Variants in BMPR2 observed in about 807,000 individuals in gnomAD.
BMPR2 encodes the protein bone morphogenetic protein receptor type 2.
Under a neutral mutation model 100.8 loss-of-function variants are expected in BMPR2, and 29 were observed. The ratio of observed to expected loss-of-function variants is 0.29; its 90% CI spans 0.21 to 0.39. The LOEUF is 0.39. Among genes scored for constraint, BMPR2 ranks in the 10% least tolerant of loss-of-function variants. The probability of loss-of-function intolerance (pLI) is 1.00; values close to 1 mark genes in which losing one functional copy is unlikely to be tolerated. For synonymous variants in BMPR2, 382 were observed against 442.3 expected (o/e 0.86, Z 1.71); for missense variants, 1,011 against 1,274.5 (o/e 0.79, Z 3.15).
rs1688766587 is a variant in BMPR2, at chr2:202,566,575, T to TA, written c.*6630dup. On this transcript the variant is annotated 3_prime_UTR_variant, in exon 13 of 13. Coordinates refer to ENST00000374580, the MANE Select transcript of BMPR2 (RefSeq NM_001204.7). ...TTTCTGTTCTTTGGTCAAATGACCA[T>TA]ACATGATATGGGACAAATTGTTTCA... The TA allele has an allele frequency of 6.6e-6, 1 of 152,356 alleles. No homozygotes were observed. Among genetic ancestry groups the TA allele is most frequent in the East Asian group, 1.9e-4 (1 of 5,192 alleles). 9.4% of individuals were successfully genotyped at this position (152,356 alleles called of 1,614,324 possible).
chr2:202,379,160 T>C (rs1690218603), intron 1 of BMPR2, among the ~76,000 whole-genome samples: 1 of 152,208 alleles, frequency 6.6e-6, no homozygotes, highest in African/African-American at 2.4e-5. Flanking sequence ...GATGACAAAA[T>C]TTGTGAAGCT....
intron 1 of BMPR2, among the ~76,000 whole-genome samples, chr2:202,418,226 T>G (rs1311261754): frequency 6.6e-6 from 1 of 152,208 alleles, no homozygotes; most frequent in Non-Finnish European, 1.5e-5. Context: ...ATCCAGGCCC[T>G]TCTACATGAG....
intron 7 of BMPR2, among the ~76,000 whole-genome samples, chr2:202,527,357 G>T (rs894328810): frequency 4.0e-5 from 6 of 151,732 alleles, no homozygotes; most frequent in African/African-American, 1.5e-4. Flanking sequence ...GCGTGGTGGC[G>T]TGCGCCTGTA....
chr2:202,527,029 A>C (rs1687927046), intron 7 of BMPR2, among the ~76,000 whole-genome samples: 1 of 151,980 alleles, frequency 6.6e-6, no homozygotes, highest in Non-Finnish European at 1.5e-5. Context: ...ATGCTGGGCT[A>C]ATTTTTTGTA....
intron 1 of BMPR2, among the ~76,000 whole-genome samples, chr2:202,432,227 T>C (rs1462595696): frequency 6.6e-6 from 1 of 150,834 alleles, no homozygotes; most frequent in Non-Finnish European, 1.5e-5. Context: ...CATTTTGTAA[T>C]TTGAAATGTT....
chr2:202,408,358 T>G (rs1460370159), intron 1 of BMPR2, among the ~76,000 whole-genome samples: 4 of 152,216 alleles, frequency 2.6e-5, no homozygotes, highest in Non-Finnish European at 5.9e-5. Context: ...CTTAGCTCTA[T>G]CAAATATCCA....
In BMPR2 at chr2:202,417,921, T is replaced by C. The variant is rs1026795310; in HGVS notation, c.76+40371T>C. Among the ~76,000 whole-genome samples the C allele has an allele frequency of 1.3e-5, 2 of 151,966 alleles. 1 individual carries two copies. The highest frequency in any genetic ancestry group is 4.8e-5 in the African/African-American group (2 of 41,372). ...TTTTAGTAGAGATAGGGTTTCACCG[T>C]GTTAGCCAGGGTGGTCTTGATCTCA... On this transcript the variant is annotated intron_variant, in intron 1 of 12. Transcript: ENST00000374580.
chr2:202,384,126 T>C (rs965317458), intron 1 of BMPR2, among the ~76,000 whole-genome samples: 13 of 152,142 alleles, frequency 8.5e-5, no homozygotes, highest in Non-Finnish European at 1.6e-4. Flanking sequence ...GAGCCAAGAT[T>C]GTGCCACTTT....
chr2:202,429,852 G>A (rs185354861), intron 1 of BMPR2, among the ~76,000 whole-genome samples: 22 of 152,232 alleles, frequency 1.4e-4, no homozygotes, highest in Admixed American at 4.6e-4. Flanking sequence ...ACTGTCATGA[G>A]AACAGCATGG....
intron 1 of BMPR2, among the ~76,000 whole-genome samples, chr2:202,402,919 C>G (rs968361155): frequency 2.0e-5 from 3 of 151,838 alleles, no homozygotes; most frequent in Non-Finnish European, 2.9e-5. Context: ...AATTCCGCCT[C>G]CCGGGTACAA....
intron 7 of BMPR2, among the ~76,000 whole-genome samples, chr2:202,527,104 T>G (rs1687928767): frequency 6.6e-6 from 1 of 151,944 alleles, no homozygotes; most frequent in African/African-American, 2.4e-5. Flanking sequence ...CCTCAGGTGA[T>G]CCACCTGCCT....
chr2:202,455,079 A>G (rs1692066336), intron 1 of BMPR2, among the ~76,000 whole-genome samples: 1 of 152,232 alleles, frequency 6.6e-6, no homozygotes, highest in African/African-American at 2.4e-5. Flanking sequence ...CAGAGGCTCC[A>G]TGTCCAAATA....
chr2:202,420,840 C>T (rs746327768), intron 1 of BMPR2, among the ~76,000 whole-genome samples: 2 of 151,826 alleles, frequency 1.3e-5, no homozygotes, highest in Non-Finnish European at 2.9e-5. Flanking sequence ...AGCCACCACG[C>T]CCAGCCAGGA....
intron 8 of BMPR2, among the ~76,000 whole-genome samples, chr2:202,531,906 G>T (rs1688036217): frequency 6.9e-6 from 1 of 144,074 alleles, no homozygotes; most frequent in Non-Finnish European, 1.5e-5. Context: ...GCAATTACAA[G>T]TGTGAGCCAC....
At chr2:202,534,987 A>C (rs1212735786) in intron 9 of BMPR2, among the ~76,000 whole-genome samples, 1 of 66,070 alleles carries the variant, frequency 1.5e-5, no homozygotes, top group African/African-American at 6.0e-5. Context: ...CGGGTGGCTG[A>C]CCCCCTGCCA....
At chr2:202,451,421 G>A (rs1046758424) in intron 1 of BMPR2, among the ~76,000 whole-genome samples, 6 of 152,128 alleles carry the variant, frequency 3.9e-5, no homozygotes, top group Non-Finnish European at 8.8e-5. Flanking sequence ...AATTCCAGCC[G>A]GACACAGTGG....
intron 10 of BMPR2, among the ~76,000 whole-genome samples, chr2:202,544,838 C>T (rs1480340109): frequency 7.2e-6 from 1 of 138,834 alleles, no homozygotes; most frequent in East Asian, 2.2e-4. Context: ...GATCATGGCT[C>T]ACTGCAGCTT....
At chr2:202,408,391 A>G (rs745757268) in intron 1 of BMPR2, among the ~76,000 whole-genome samples, 6 of 152,184 alleles carry the variant, frequency 3.9e-5, no homozygotes, top group Non-Finnish European at 8.8e-5. Context: ...AGTAGGTTAA[A>G]TTGTTTCTCA....
At chr2:202,478,504 T>G (rs972271918) in intron 3 of BMPR2, among the ~76,000 whole-genome samples, 1 of 152,206 alleles carries the variant, frequency 6.6e-6, no homozygotes, top group Admixed American at 6.6e-5. Context: ...TCCAAAGTAG[T>G]CCCAACTGTT....
Sources: allele counts gnomAD v4.1 joint callset (sites outside exome capture counted in the v4.1 genomes callset), GRCh38; gene constraint gnomAD v4.1.1; transcripts MANE v1.5; gene names NCBI Gene and HGNC (gene_info 2026-07-23, HGNC 2026-07-21).